Variants in DPY19L3 observed in about 807,000 individuals in gnomAD.
DPY19L3 encodes protein C-mannosyl-transferase DPY19L3.
A neutral mutation model predicts 92.3 loss-of-function variants in DPY19L3; 51 were observed. The ratio of observed to expected loss-of-function variants is 0.55; its 90% CI spans 0.44 to 0.70. The LOEUF is 0.70. DPY19L3 is among the 30% of genes least tolerant of loss of function. The pLI is 0.00. For synonymous variants in DPY19L3, 309 were observed against 315.2 expected (o/e 0.98, Z 0.21); for missense variants, 706 against 855.9 (o/e 0.82, Z 2.18).
intron 3 of DPY19L3, among the ~76,000 whole-genome samples, chr19:32,431,737 C>A (rs1298086854): frequency 6.6e-6 from 1 of 152,168 alleles, no homozygotes; most frequent in Non-Finnish European, 1.5e-5. Context: ...AGACACTGAA[C>A]CATCAGAAAA....
At chr19:32,449,149 A>C (rs1020409721) in intron 8 of DPY19L3, among the ~76,000 whole-genome samples, 3 of 152,218 alleles carry the variant, frequency 2.0e-5, no homozygotes, top group African/African-American at 7.2e-5. Flanking sequence ...GAGAAAAGGG[A>C]ACAAAGGATA....
At position 32,463,935 on chromosome 19, in the gene DPY19L3, A is replaced by T; in HGVS notation, c.1512A>T (p.Ile504=). The T allele has an allele frequency of 6.2e-7, 1 of 1,613,514 alleles. No homozygotes were observed. The highest frequency in any genetic ancestry group is 8.5e-7 in the Non-Finnish European group (1 of 1,179,568). The part of the protein sequence containing the change: ...FASFGLCSPE[I]WELLLKSVHL... Reference sequence around the variant, plus strand: ...CATTCGGCCTATGTAGCCCTGAAATATGGGAGTTACTTCTGAAGTCAGTCC... The same window carrying T: ...CATTCGGCCTATGTAGCCCTGAAATTTGGGAGTTACTTCTGAAGTCAGTCC... Residue 504 remains isoleucine, a synonymous_variant, in exon 14 of 19, where the codon ATA becomes ATT. Transcript: ENST00000392250.
chr19:32,416,045 C>T (rs1968366795), intron 3 of DPY19L3, among the ~76,000 whole-genome samples: 1 of 152,186 alleles, frequency 6.6e-6, no homozygotes, highest in South Asian at 2.1e-4. Context: ...TAGGAATGAA[C>T]TTGGCAAATC....
intron 8 of DPY19L3, among the ~76,000 whole-genome samples, chr19:32,450,843 G>A (rs902194356): frequency 3.3e-5 from 5 of 152,142 alleles, no homozygotes; most frequent in African/African-American, 1.2e-4. Context: ...CTTTAAATGG[G>A]TGAATTTGAT....
rs533399441 is a variant in DPY19L3 at position 32,411,556 on chromosome 19, T to A, written c.237+184T>A. Reference sequence around the variant, plus strand: ...AAAATAACATATTAGAATCTTTTTTTAAATTTTTCTTTATTATTTATTTAT... The same window carrying A: ...AAAATAACATATTAGAATCTTTTTTAAAATTTTTCTTTATTATTTATTTAT... On this transcript the variant is annotated intron_variant, in intron 3 of 18. Transcript: ENST00000392250. 283 of 477,866 alleles carry A rather than the reference T, an allele frequency of 5.9e-4. 1 individual carries two copies. In the South Asian group the frequency reaches 6.2e-3, roughly 10 times the overall value. 29.6% of individuals were successfully genotyped at this position (477,866 alleles called of 1,614,324 possible). A position where few individuals can be genotyped will look rare whatever the true frequency, so the allele number is the denominator to read the frequency against.
rs1256816351 is a variant in DPY19L3 at position 32,440,023 on chromosome 19, G to C, written c.855+113G>C. 3 of 1,392,564 alleles carry C rather than the reference G, an allele frequency of 2.2e-6. No homozygotes were observed. The East Asian group carries it at 7.3e-5, about 34-fold the overall frequency. 86.3% of individuals were successfully genotyped at this position (1,392,564 alleles called of 1,614,324 possible). A position where few individuals can be genotyped will look rare whatever the true frequency, so the allele number is the denominator to read the frequency against. On this transcript the variant is annotated intron_variant, in intron 8 of 18. Coordinates refer to ENST00000392250, the MANE Select transcript of DPY19L3 (RefSeq NM_001172774.2). ...TGGATAAAATTGAAGCTGTTTCTTA[G>C]ATCTGCTGTAAATTTGCTGTGGCCA... is the stretch of plus-strand genomic sequence containing the variant.
chr19:32,457,160 C>G (rs904726709), intron 10 of DPY19L3, among the ~76,000 whole-genome samples: 1 of 152,084 alleles, frequency 6.6e-6, no homozygotes, highest in South Asian at 2.1e-4. Flanking sequence ...TTTGACTCCC[C>G]GAAGAATAAC....
intron 12 of DPY19L3, among the ~76,000 whole-genome samples, chr19:32,459,961 T>G (rs1047429049): frequency 1.3e-5 from 2 of 152,200 alleles, no homozygotes; most frequent in African/African-American, 4.8e-5. Context: ...ACATAGATAG[T>G]ATGGCCTACT....
chr19:32,474,424 A>T (rs762481489), intron 16 of DPY19L3, among the ~76,000 whole-genome samples: 7 of 152,204 alleles, frequency 4.6e-5, no homozygotes, highest in Non-Finnish European at 1.5e-5. Context: ...GGAGCCACTC[A>T]AGAGCTCTTA....
At chr19:32,414,050 G>C (rs1968290897) in intron 3 of DPY19L3, among the ~76,000 whole-genome samples, 1 of 152,002 alleles carries the variant, frequency 6.6e-6, no homozygotes, top group Non-Finnish European at 1.5e-5. Flanking sequence ...GTGCTGGCAG[G>C]GCGTGGTGGA....
At chr19:32,414,192 G>A (rs929222478) in intron 3 of DPY19L3, among the ~76,000 whole-genome samples, 4 of 152,070 alleles carry the variant, frequency 2.6e-5, no homozygotes, top group African/African-American at 7.2e-5. Flanking sequence ...AGGCCGTGGC[G>A]GGCGGATCAC....
chr19:32,455,347 C>T (rs1969834155), intron 10 of DPY19L3, among the ~76,000 whole-genome samples: 1 of 152,106 alleles, frequency 6.6e-6, no homozygotes, highest in Non-Finnish European at 1.5e-5. Context: ...TTCAAACAGG[C>T]TCAGTTTTAA....
In DPY19L3 at chr19:32,439,857, C is replaced by T. The variant is rs1169659471; in HGVS notation, c.802C>T (p.Gln268Ter). The change falls in exon 8 of 19, where the codon CAA becomes TAA. Residue 268 changes from glutamine to a stop codon, truncating the protein, a stop_gained. Transcript: ENST00000392250. LOFTEE classifies it high-confidence loss of function. ...ATTTAATCAATTTATGATGCTGATG[C>T]AAGCATTAGTGCTGTTCACACTGGA... Reference protein sequence around the residue: ...WQFNQFMMLMQALVLFTLDSL... With the variant: ...WQFNQFMMLM The T allele has an allele frequency of 6.2e-7, 1 of 1,613,826 alleles. No homozygotes were observed. The highest frequency in any genetic ancestry group is 1.3e-5 in the African/African-American group (1 of 74,922).
At chr19:32,438,887 G>GGGCA (rs2145498632) in intron 6 of DPY19L3, 1 of 451,200 alleles carries the variant, frequency 2.2e-6, no homozygotes, top group African/African-American at 2.0e-5. Flanking sequence ...TAGGTGCTAA[G>GGGCA]GGCATACCCA....
chr19:32,411,509 T>A, intron 3 of DPY19L3, 137 bp downstream of exon 3: 1 of 708,728 alleles, frequency 1.4e-6, no homozygotes, highest in Non-Finnish European at 2.2e-6. Flanking sequence ...TAGAGTGAAA[T>A]AACTTTTGTG....
At chr19:32,473,724 A>C (rs1033905995) in intron 16 of DPY19L3, among the ~76,000 whole-genome samples, 5 of 152,254 alleles carry the variant, frequency 3.3e-5, no homozygotes, top group African/African-American at 1.2e-4. Flanking sequence ...CGTATGAGAC[A>C]AAGCCACATG....
intron 3 of DPY19L3, among the ~76,000 whole-genome samples, chr19:32,423,113 A>C (rs1968629510): frequency 6.6e-6 from 1 of 152,224 alleles, no homozygotes; most frequent in Non-Finnish European, 1.5e-5. Context: ...AATGACAGAA[A>C]GATGCTCAGT....
intron 2 of DPY19L3, among the ~76,000 whole-genome samples, chr19:32,409,537 G>T (rs1968104378): frequency 1.3e-5 from 2 of 152,142 alleles, no homozygotes; most frequent in African/African-American, 2.4e-5. Context: ...GTCCATTTCT[G>T]TTGCTATAAA....
At chr19:32,428,081 C>G (rs978988187) in intron 3 of DPY19L3, 1 of 149,312 alleles carries the variant, frequency 6.7e-6, no homozygotes, top group Non-Finnish European at 1.5e-5. Flanking sequence ...AAGCAATTCT[C>G]ATGCCTCAGC....
Sources: allele counts gnomAD v4.1 joint callset (sites outside exome capture counted in the v4.1 genomes callset), GRCh38; gene constraint gnomAD v4.1.1; transcripts MANE v1.5; gene names NCBI Gene and HGNC (gene_info 2026-07-23, HGNC 2026-07-21).